The following SAXO1 variants were observed in gnomAD, a reference collection of about 807,000 sequenced individuals.
SAXO1 encodes the protein stabilizer of axonemal microtubules 1.
Under a neutral mutation model 17.5 loss-of-function variants are expected in SAXO1, and 21 were observed. That is an observed-to-expected ratio of 1.20 (90% confidence interval 0.85 to 1.72). SAXO1 has a LOEUF of 1.72. Ranked by LOEUF, SAXO1 falls within the 40% of genes most tolerant of loss-of-function variation. The pLI is 0.00. For synonymous variants in SAXO1, 274 were observed against 216.5 expected (o/e 1.27, Z -2.33); for missense variants, 843 against 596.0 (o/e 1.41, Z -4.32).
intron 1 of SAXO1, among the ~76,000 whole-genome samples, chr9:18,965,863 G>A (rs931800924): frequency 2.0e-5 from 3 of 152,160 alleles, no homozygotes; most frequent in East Asian, 1.9e-4. Flanking sequence ...ATTTCGTTAT[G>A]TTTTTGCGTG....
At chr9:18,993,380 T>C (rs1412391076) in intron 1 of SAXO1, among the ~76,000 whole-genome samples, 2 of 151,434 alleles carry the variant, frequency 1.3e-5, no homozygotes, top group African/African-American at 2.4e-5. Flanking sequence ...TGAGGGCTCA[T>C]CCATGATCAT....
intron 1 of SAXO1, among the ~76,000 whole-genome samples, chr9:18,977,788 G>A (rs1833208660): frequency 6.6e-6 from 1 of 151,976 alleles, no homozygotes; most frequent in East Asian, 1.9e-4. Context: ...GAAGTTGGGA[G>A]CTCCACACCA....
chr9:19,005,859 T>C (rs749643451), intron 1 of SAXO1, among the ~76,000 whole-genome samples: 32 of 152,236 alleles, frequency 2.1e-4, no homozygotes, highest in Middle Eastern at 3.4e-3. Context: ...AATTTGCAGA[T>C]CTGATAAGGG....
At chr9:18,979,660 G>C (rs376652401) in intron 1 of SAXO1, among the ~76,000 whole-genome samples, 1 of 152,218 alleles carries the variant, frequency 6.6e-6, no homozygotes. Context: ...TCCAGCAAGA[G>C]TGTATGGGCT....
At chr9:18,971,127 G>T (rs1832926551) in intron 1 of SAXO1, among the ~76,000 whole-genome samples, 1 of 152,126 alleles carries the variant, frequency 6.6e-6, no homozygotes, top group African/African-American at 2.4e-5. Context: ...GCTACCAAAG[G>T]GAGTGATTTT....
intron 1 of SAXO1, among the ~76,000 whole-genome samples, chr9:18,963,593 T>A (rs112998223): frequency 6.6e-6 from 1 of 152,216 alleles, no homozygotes; most frequent in Non-Finnish European, 1.5e-5. Flanking sequence ...ATGATTTAGC[T>A]CTCTAATATT....
chr9:18,947,012 A>T (rs1178090971), intron 2 of SAXO1, among the ~76,000 whole-genome samples: 1 of 150,464 alleles, frequency 6.6e-6, no homozygotes, highest in Non-Finnish European at 1.5e-5. Flanking sequence ...TCCGTGAAAG[A>T]AAAATTACTT....
Position 18,985,812 on chromosome 9 carries a change from T to C in SAXO1, c.39-34875A>G, listed in dbSNP as rs6475302. On this transcript the variant is annotated intron_variant, in intron 1 of 3. Coordinates refer to ENST00000380534, the MANE Select transcript of SAXO1 (RefSeq NM_153707.4). ...AAAACATAATTTCTTTAAAAACACA[T>C]AGACTGCATTACAGTGACTCCATCA... is the stretch of plus-strand genomic sequence containing the variant. Among the ~76,000 whole-genome samples, 227 of 152,302 alleles carry C rather than the reference T, an allele frequency of 1.5e-3. 1 individual carries two copies. The highest frequency in any genetic ancestry group is 5.3e-3 in the African/African-American group (219 of 41,570).
chr9:18,978,235 A>AT (rs61214151), intron 1 of SAXO1, among the ~76,000 whole-genome samples: 3,406 of 152,014 alleles, frequency 0.022, 120 homozygotes, highest in African/African-American at 0.077. Flanking sequence ...AGAGTGATGA[A>AT]TTTTTTTCAA....
At chr9:18,994,654 C>T (rs1396217217) in intron 1 of SAXO1, among the ~76,000 whole-genome samples, 1 of 152,242 alleles carries the variant, frequency 6.6e-6, no homozygotes, top group African/African-American at 2.4e-5. Context: ...CTGGGCTCAG[C>T]AGGAGCACTC....
chr9:18,956,544 G>C (rs1046436673), intron 1 of SAXO1, among the ~76,000 whole-genome samples: 1 of 152,146 alleles, frequency 6.6e-6, no homozygotes, highest in African/African-American at 2.4e-5. Flanking sequence ...AGGAGGCAGG[G>C]TTCATAGTGG....
intron 1 of SAXO1, among the ~76,000 whole-genome samples, chr9:19,013,766 T>G (rs1834851919): frequency 6.6e-6 from 1 of 152,044 alleles, no homozygotes; most frequent in Non-Finnish European, 1.5e-5. Flanking sequence ...AGGCTGGTCT[T>G]GAACTCCTGA....
chr9:18,930,348 G>C (rs1431202698), intron 3 of SAXO1, among the ~76,000 whole-genome samples: 3 of 152,170 alleles, frequency 2.0e-5, no homozygotes, highest in Non-Finnish European at 2.9e-5. Flanking sequence ...CATGCATCTT[G>C]AGGACCAGAT....
At chr9:18,944,503 G>C (rs1831709680) in intron 2 of SAXO1, among the ~76,000 whole-genome samples, 2 of 152,134 alleles carry the variant, frequency 1.3e-5, no homozygotes, top group South Asian at 4.1e-4. Flanking sequence ...AAGAACACTG[G>C]ATCTCCCCTC....
At chr9:18,962,546 C>T (rs187278416) in intron 1 of SAXO1, among the ~76,000 whole-genome samples, 1 of 152,316 alleles carries the variant, frequency 6.6e-6, no homozygotes, top group African/African-American at 2.4e-5. Context: ...GTCAGATGGA[C>T]AGATTGCAAA....
Position 18,950,792 on chromosome 9 carries a change from C to T in SAXO1, c.184G>A (p.Gly62Arg). 6.2e-7 allele frequency: 1 copy of T among 1,613,684 alleles called. No homozygotes were observed. The highest frequency in any genetic ancestry group is 1.1e-5 in the South Asian group (1 of 91,050). Reference sequence around the variant, plus strand: ...GTCAGGCCTTCCATTGGTATAGGCCCTTTCTGGTACTCCCGCCTTGGCTTG... The same window carrying T: ...GTCAGGCCTTCCATTGGTATAGGCCTTTTCTGGTACTCCCGCCTTGGCTTG... ...SFKPRREYQK[G>R]PIPMEGLTTS... Residue 62 changes from glycine (G) to arginine (R), a missense_variant, in exon 2 of 4, where the codon GGG becomes AGG. Transcript: ENST00000380534.
chr9:19,005,637 A>T (rs1167177855), intron 1 of SAXO1, among the ~76,000 whole-genome samples: 1 of 152,244 alleles, frequency 6.6e-6, no homozygotes, highest in Non-Finnish European at 1.5e-5. Context: ...CTCAAAATGG[A>T]TCAAAGACCT....
chr9:18,966,235 T>G (rs1832712157), intron 1 of SAXO1, among the ~76,000 whole-genome samples: 2 of 152,316 alleles, frequency 1.3e-5, no homozygotes, highest in South Asian at 4.1e-4. Flanking sequence ...GCTCTTCTTG[T>G]GGAGTATCTT....
chr9:18,949,917 A>T (rs1413573406), intron 2 of SAXO1, among the ~76,000 whole-genome samples: 2 of 152,212 alleles, frequency 1.3e-5, no homozygotes, highest in East Asian at 1.9e-4. Context: ...GGGATGAGGA[A>T]CCGGGAAGGC....
Sources: allele counts gnomAD v4.1 joint callset (sites outside exome capture counted in the v4.1 genomes callset), GRCh38; gene constraint gnomAD v4.1.1; transcripts MANE v1.5; gene names NCBI Gene and HGNC (gene_info 2026-07-23, HGNC 2026-07-21).